Variants in EDA observed in about 807,000 individuals in gnomAD.
The protein encoded by EDA is ectodysplasin A, also known as ectodysplasin-A.
Under a neutral mutation model 23.6 loss-of-function variants are expected in EDA, and 2 were observed. The observed-to-expected ratio is 0.08, with a 90% CI of 0.03 to 0.27. The LOEUF is 0.27. Ranked by LOEUF, EDA falls within the 10% of genes least tolerant of loss-of-function variation. EDA has a pLI of 1.00. For synonymous variants in EDA, 131 were observed against 132.0 expected (o/e 0.99, Z 0.05); for missense variants, 229 against 324.2 (o/e 0.71, Z 2.26).
At chrX:69,769,504 T>C (rs748124120) in intron 1 of EDA, among the ~76,000 whole-genome samples, 6 of 111,705 alleles carry the variant, frequency 5.4e-5, no homozygotes, top group Admixed American at 9.5e-5. Flanking sequence ...TTTAAAGCAC[T>C]TCGATTTAAT....
At chrX:69,701,899 G>A (rs1436227597) in intron 1 of EDA, among the ~76,000 whole-genome samples, 1 of 111,105 alleles carries the variant, frequency 9.0e-6, no homozygotes, top group Non-Finnish European at 1.9e-5. Context: ...GACTACCTCT[G>A]CGCCAGTAGG....
intron 1 of EDA, among the ~76,000 whole-genome samples, chrX:69,849,525 T>C (rs754429607): frequency 1.9e-4 from 21 of 111,600 alleles, no homozygotes; most frequent in Non-Finnish European, 3.2e-4. Flanking sequence ...ATTATTCAAG[T>C]CCCACAGCAA....
intron 1 of EDA, among the ~76,000 whole-genome samples, chrX:69,724,294 G>A (rs1444510511): frequency 8.9e-6 from 1 of 111,931 alleles, no homozygotes; most frequent in Non-Finnish European, 1.9e-5. Context: ...AAGTGACTGA[G>A]TCCTTGGGCC....
At chrX:69,687,927 G>T (rs1934595292) in intron 1 of EDA, among the ~76,000 whole-genome samples, 1 of 111,491 alleles carries the variant, frequency 9.0e-6, no homozygotes, top group Admixed American at 9.6e-5. Context: ...ACTCCTGTGG[G>T]GAAGTGAAGG....
At chrX:69,711,374 G>A (rs1266826193) in intron 1 of EDA, among the ~76,000 whole-genome samples, 1 of 111,521 alleles carries the variant, frequency 9.0e-6, no homozygotes, top group Non-Finnish European at 1.9e-5. Flanking sequence ...GCTTTTTGAT[G>A]TGCTGCTGGA....
chrX:69,677,559 T>A (rs1320804718), intron 1 of EDA, among the ~76,000 whole-genome samples: 1 of 112,742 alleles, frequency 8.9e-6, no homozygotes, highest in Non-Finnish European at 1.9e-5. Context: ...TGGTTTTGAT[T>A]TGCATTTCTC....
intron 1 of EDA, among the ~76,000 whole-genome samples, chrX:69,881,443 C>T: frequency 9.0e-6 from 1 of 111,460 alleles, no homozygotes. Flanking sequence ...TGTCATCTTT[C>T]TTAAATAAAT....
intron 1 of EDA, among the ~76,000 whole-genome samples, chrX:69,758,505 A>G (rs1411082445): frequency 3.6e-5 from 4 of 112,428 alleles, no homozygotes; most frequent in African/African-American, 9.7e-5. Flanking sequence ...TTCAGCAAAC[A>G]TTTTTTGAGC....
chrX:69,977,782 ATT>A (rs2019338090), intron 2 of EDA, among the ~76,000 whole-genome samples: 1 of 112,071 alleles, frequency 8.9e-6, no homozygotes, highest in Admixed American at 9.5e-5. Flanking sequence ...TAGACAGATC[ATT>A]CAGTTGGAAA....
At chrX:69,844,305 A>G (rs191726978) in intron 1 of EDA, among the ~76,000 whole-genome samples, 12 of 112,299 alleles carry the variant, frequency 1.1e-4, no homozygotes, top group African/African-American at 3.9e-4. Flanking sequence ...TGGTATCACT[A>G]TTTTTTGACT....
chrX:69,743,408 G>A (rs2013521675), intron 1 of EDA, among the ~76,000 whole-genome samples: 1 of 111,878 alleles, frequency 8.9e-6, no homozygotes, highest in African/African-American at 3.2e-5. Context: ...TTGTATGTGT[G>A]AACTCTCATT....
At chrX:69,624,672 G>A (rs960901710) in intron 1 of EDA, among the ~76,000 whole-genome samples, 1 of 110,425 alleles carries the variant, frequency 9.1e-6, no homozygotes, top group African/African-American at 3.3e-5. Context: ...TAGTATTTAT[G>A]CCTTCTAAGT....
At chrX:69,623,407 G>A (rs1308904456) in intron 1 of EDA, among the ~76,000 whole-genome samples, 3 of 111,247 alleles carry the variant, frequency 2.7e-5, no homozygotes, top group Admixed American at 9.5e-5. Flanking sequence ...CACTTCCTTG[G>A]ACCTATTTTA....
chrX:69,974,428 A>T (rs1015942470), intron 2 of EDA, among the ~76,000 whole-genome samples: 1 of 111,311 alleles, frequency 9.0e-6, no homozygotes, highest in Non-Finnish European at 1.9e-5. Flanking sequence ...TTGATTAAAG[A>T]CTTAAATATA....
At chrX:69,682,213 G>T (rs759547021) in intron 1 of EDA, among the ~76,000 whole-genome samples, 1 of 112,226 alleles carries the variant, frequency 8.9e-6, no homozygotes, top group African/African-American at 3.2e-5. Flanking sequence ...GAGAACCACT[G>T]CTCTCTTCAA....
chrX:69,819,130 T>C (rs1235277160), intron 1 of EDA, among the ~76,000 whole-genome samples: 1 of 112,260 alleles, frequency 8.9e-6, no homozygotes, highest in African/African-American at 3.2e-5. Flanking sequence ...CATGATTATC[T>C]CAATAGAAGC....
intron 1 of EDA, among the ~76,000 whole-genome samples, chrX:69,670,650 A>G (rs1351961081): frequency 9.4e-6 from 1 of 106,621 alleles, no homozygotes; most frequent in Admixed American, 1.0e-4. Flanking sequence ...CACCATCTTC[A>G]GGTTGACAGA....
intron 1 of EDA, among the ~76,000 whole-genome samples, chrX:69,943,703 A>G (rs1335492670): frequency 9.1e-6 from 1 of 109,658 alleles, no homozygotes; most frequent in Non-Finnish European, 1.9e-5. Context: ...TGAAGGCCCA[A>G]GGGCTCTACA....
chrX:69,915,474 A>G (rs1277824605), intron 1 of EDA, among the ~76,000 whole-genome samples: 4 of 109,815 alleles, frequency 3.6e-5, no homozygotes, highest in Non-Finnish European at 7.6e-5. Context: ...GTGGTGGCAC[A>G]TCCCTGTAAT....
Sources: gnomAD v4.1 joint callset for allele counts (sites outside exome capture counted in the v4.1 genomes callset) on GRCh38, gnomAD v4.1.1 for gene constraint, MANE v1.5 for transcripts, NCBI Gene and HGNC (gene_info 2026-07-23, HGNC 2026-07-21) for gene names.